The following PSMC2 variants were observed in gnomAD, a reference collection of about 807,000 sequenced individuals.
The protein encoded by PSMC2 is 26S proteasome regulatory subunit 7.
Under a neutral mutation model 53.3 loss-of-function variants are expected in PSMC2, and 7 were observed. That is an observed-to-expected ratio of 0.13 (90% CI 0.07 to 0.25). The LOEUF (loss-of-function observed/expected upper bound fraction) is 0.25. PSMC2 is among the 10% of genes least tolerant of loss of function. The pLI is 1.00. For synonymous variants in PSMC2, 169 were observed against 183.9 expected, an observed-to-expected ratio of 0.92 and a Z score of 0.66; for missense variants, 241 against 544.0, an observed-to-expected ratio of 0.44 and a Z score of 5.54.
In PSMC2 at chr7:103,347,773, C is replaced by A; in HGVS notation, c.62C>A (p.Pro21His). 2 of 1,613,840 alleles carry A rather than the reference C, an allele frequency of 1.2e-6. No individual in the cohort carries two copies. The highest frequency in any genetic ancestry group is 1.7e-6 in the Non-Finnish European group (2 of 1,179,816). The change falls in exon 1 of 12, where the codon CCC (proline) becomes CAC (histidine). Residue 21 changes from proline to histidine, a missense_variant. Pro to His is a moderately conservative substitution (Grantham distance 77). Transcript: ENST00000292644. ...AAAGAGGATGAGAAGGACGACAAGC[C>A]CATCCGAGGTCAGTTGACATGGGCC... is the stretch of plus-strand genomic sequence containing the variant. ...KTKEDEKDDK[P>H]IRALDEGDIA...
chr7:103,349,795 C>G (rs569327542), intron 1 of PSMC2, among the ~76,000 whole-genome samples: 1 of 152,140 alleles, frequency 6.6e-6, no homozygotes, highest in East Asian at 1.9e-4. Context: ...CAACTTGGTC[C>G]TAATTGCAGT....
intron 4 of PSMC2, 126 bp from the exon 5 acceptor site, chr7:103,361,831 A>G: frequency 1.1e-6 from 1 of 876,768 alleles, no homozygotes; most frequent in Non-Finnish European, 1.6e-6. Flanking sequence ...GATCTTTAAC[A>G]GTGTCCCAGT....
At chr7:103,359,281 A>G (rs1820236520) in intron 4 of PSMC2, among the ~76,000 whole-genome samples, 1 of 150,368 alleles carries the variant, frequency 6.7e-6, no homozygotes, top group Non-Finnish European at 1.5e-5. Flanking sequence ...TACAGGTGTG[A>G]GCCACCGTGC....
intron 4 of PSMC2, among the ~76,000 whole-genome samples, chr7:103,357,481 A>G (rs76867305): frequency 0.048 from 7,341 of 151,968 alleles, 234 homozygotes; most frequent in African/African-American, 0.081. Flanking sequence ...TATCTTGTGT[A>G]TTATAGATTC....
chr7:103,358,371 A>G (rs1028627749), intron 4 of PSMC2, among the ~76,000 whole-genome samples: 2 of 152,082 alleles, frequency 1.3e-5, no homozygotes, highest in African/African-American at 2.4e-5. Context: ...TAGTAAGGCA[A>G]ATCTTCTTGA....
intron 4 of PSMC2, among the ~76,000 whole-genome samples, chr7:103,361,577 C>T (rs991504310): frequency 1.3e-5 from 2 of 150,098 alleles, no homozygotes; most frequent in African/African-American, 4.9e-5. Context: ...GAATGAAAAC[C>T]CATTTATTAC....
chr7:103,362,173 T>C, intron 5 of PSMC2, 85 bp downstream of exon 5: 1 of 1,573,876 alleles, frequency 6.4e-7, no homozygotes, highest in East Asian at 2.3e-5. Flanking sequence ...AGTGAATAAA[T>C]GGACTGAGTT....
intron 3 of PSMC2, 43 bp downstream of exon 3, chr7:103,354,992 G>T (rs1415799284): frequency 3.2e-6 from 4 of 1,250,646 alleles, no homozygotes; most frequent in Non-Finnish European, 4.7e-6. Flanking sequence ...TAAATGTAAT[G>T]TGTGAATAAT....
At chr7:103,353,163 T>C (rs1005835788) in intron 1 of PSMC2, among the ~76,000 whole-genome samples, 1 of 151,904 alleles carries the variant, frequency 6.6e-6, no homozygotes, top group Non-Finnish European at 1.5e-5. Context: ...TCTCCACATG[T>C]GTTTTAAGTG....
intron 1 of PSMC2, chr7:103,348,857 A>C: frequency 1.8e-6 from 1 of 558,710 alleles, no homozygotes; most frequent in South Asian, 1.9e-5. Flanking sequence ...ACATTTAAAA[A>C]AATGAATAAT....
At chr7:103,358,156 T>C (rs980787892) in intron 4 of PSMC2, among the ~76,000 whole-genome samples, 6 of 152,204 alleles carry the variant, frequency 3.9e-5, no homozygotes, top group Admixed American at 1.3e-4. Flanking sequence ...ACAGTTCTTT[T>C]CCCTTCAAAA....
Position 103,367,567 on chromosome 7 carries a change from G to A in PSMC2, c.999G>A (p.Arg333=). The A allele has an allele frequency of 6.2e-7, 1 of 1,614,138 alleles. No individual in the cohort carries two copies. Among genetic ancestry groups the A allele is most frequent in the South Asian group, 1.1e-5 (1 of 91,076 alleles). ...ATACTTTGGATCCAGCACTGATGAG[G>A]CCAGGGAGATTGGATAGAAAAATTG... ...RPDTLDPALM[R]PGRLDRKIEF... The change falls in exon 10 of 12, where the codon AGG becomes AGA. Residue 333 remains arginine, a synonymous_variant. Transcript: ENST00000292644. This position sits in a 1 kb window ranked among gnomAD's most constrained non-coding sequence, Gnocchi z 6.1.
chr7:103,352,579 A>G lies in PSMC2; in HGVS notation c.71-1342A>G, dbSNP rs11978339. On this transcript the variant is annotated intron_variant, in intron 1 of 11. Coordinates refer to ENST00000292644, the MANE Select transcript of PSMC2 (RefSeq NM_002803.4). ...TGCATACCACCATGCTAATTTTTGC[A>G]TTTTTTGTAGAGACATGGTTTCGCC... is the stretch of plus-strand genomic sequence containing the variant. Among the ~76,000 whole-genome samples the G allele has an allele frequency of 0.22, 32,638 of 151,386 alleles. 5,192 individuals are homozygous for G. Among genetic ancestry groups the G allele is most frequent in the African/African-American group, 0.45 (18,656 of 41,152 alleles).
At chr7:103,362,583 CTCTT>C (rs1400201695) in intron 5 of PSMC2, 99 bp from the exon 6 acceptor site, 23 of 1,440,480 alleles carry the variant, frequency 1.6e-5, no homozygotes, top group Non-Finnish European at 1.6e-5. Flanking sequence ...CTCTGTCTCT[CTCTT>C]GTTTTCTTAA....
chr7:103,350,005 G>T (rs1177577381), intron 1 of PSMC2, among the ~76,000 whole-genome samples: 3 of 152,116 alleles, frequency 2.0e-5, no homozygotes, highest in Non-Finnish European at 2.9e-5. Context: ...CTGCCTTAGA[G>T]GAAGTGGTAT....
At position 103,368,158 on chromosome 7, in the gene PSMC2, C is replaced by A. The variant is rs565783069; in HGVS notation, c.*104C>A. 1 of 1,009,536 alleles carries A rather than the reference C, an allele frequency of 9.9e-7. No individual in the cohort carries two copies. Among genetic ancestry groups the A allele is most frequent in the Non-Finnish European group, 1.4e-6 (1 of 713,494 alleles). 62.5% of individuals were successfully genotyped at this position (1,009,536 alleles called of 1,614,324 possible). On this transcript the variant is annotated 3_prime_UTR_variant, in exon 12 of 12. Transcript: ENST00000292644. ...AAATAAATGGCTTCAAAATTGTATG[C>A]TTTTTTCCATATCTCTTCTTGTAAT...
chr7:103,359,930 T>C (rs113924956), intron 4 of PSMC2, among the ~76,000 whole-genome samples: 2,325 of 151,814 alleles, frequency 0.015, 50 homozygotes, highest in African/African-American at 0.054. Context: ...AATATAAAAA[T>C]ATTAGCTGGG....
intron 4 of PSMC2, among the ~76,000 whole-genome samples, chr7:103,361,323 A>G (rs1356399984): frequency 6.8e-6 from 1 of 147,138 alleles, no homozygotes; most frequent in Non-Finnish European, 1.5e-5. Flanking sequence ...TTCAAGAGAA[A>G]CCCCCTCTCT....
At chr7:103,360,040 C>T (rs1026591545) in intron 4 of PSMC2, among the ~76,000 whole-genome samples, 2 of 150,968 alleles carry the variant, frequency 1.3e-5, no homozygotes, top group African/African-American at 4.9e-5. Context: ...AAGATCGCGC[C>T]ACTGCACTCC....
Sources: allele counts gnomAD v4.1 joint callset (sites outside exome capture counted in the v4.1 genomes callset), GRCh38; gene constraint gnomAD v4.1.1; non-coding constraint Gnocchi (gnomAD v3.1); transcripts MANE v1.5; gene names NCBI Gene and HGNC (gene_info 2026-07-23, HGNC 2026-07-21).